The following SNX32 variants were observed in gnomAD, a reference collection of about 807,000 sequenced individuals.
The protein encoded by SNX32 is sorting nexin-32.
In SNX32, 58 loss-of-function variants were observed where a neutral mutation model predicts 57.0. The observed-to-expected ratio is 1.02, with a 90% CI of 0.82 to 1.27. The LOEUF is 1.27. SNX32 is among the 50% of genes most tolerant of loss of function. The pLI is 0.00. For synonymous variants in SNX32, 262 were observed against 220.4 expected (o/e 1.19, Z -1.67); for missense variants, 589 against 541.2 (o/e 1.09, Z -0.88).
chr11:65,845,663 G>A (rs899442385), intron 1 of SNX32, among the ~76,000 whole-genome samples: 10 of 152,072 alleles, frequency 6.6e-5, no homozygotes, highest in African/African-American at 2.4e-4. Context: ...GCTTGAACCA[G>A]GAGGCAGAGG....
Position 65,839,223 on chromosome 11 carries a change from G to GTTTTTTTTTTTTTTTTTTTTTTT in SNX32, c.36+5123_36+5124insTTTTTTTTTTTTTTTTTTTTTTT, listed in dbSNP as rs755185237. On this transcript the variant is annotated intron_variant, in intron 1 of 12. Coordinates refer to ENST00000308342, the MANE Select transcript of SNX32 (RefSeq NM_152760.3). ...CCCACCACGCCCAGCTAATTTTTTT[G>GTTTTTTTTTTTTTTTTTTTTTTT]TATTTTTTTTTTTTTTTTTTTTTTG... is the stretch of plus-strand genomic sequence containing the variant. Among the ~76,000 whole-genome samples, 151 of 23,008 alleles carry GTTTTTTTTTTTTTTTTTTTTTTT rather than the reference G, an allele frequency of 6.6e-3. 41 individuals carry two copies. Among genetic ancestry groups the GTTTTTTTTTTTTTTTTTTTTTTT allele is most frequent in the Middle Eastern group, 0.025 (1 of 40 alleles). 15.1% of individuals were successfully genotyped at this position (23,008 alleles called of 152,430 possible).
At position 65,849,495 on chromosome 11, in the gene SNX32, G is replaced by T; in HGVS notation, c.54G>T (p.Val18=). 6.2e-7 allele frequency: 1 copy of T among 1,612,664 alleles called. No homozygotes were observed. Among genetic ancestry groups the T allele is most frequent in the Non-Finnish European group, 8.5e-7 (1 of 1,179,046 alleles). ...GKEGKPSCAS[V]DLQGDSSLQV... ...CTCCGCAGCCTTCCTGTGCATCGGT[G>T]GATCTGCAGGGAGACAGCTCCTTAC... is the stretch of plus-strand genomic sequence containing the variant. Residue 18 remains valine (V), a synonymous_variant, in exon 2 of 13, where the codon GTG becomes GTT. Transcript: ENST00000308342.
chr11:65,837,836 A>AC (rs1290328274), intron 1 of SNX32, among the ~76,000 whole-genome samples: 1 of 150,824 alleles, frequency 6.6e-6, no homozygotes, highest in Non-Finnish European at 1.5e-5. Flanking sequence ...AAAAAAAAAA[A>AC]ACGAAGAAGA....
intron 1 of SNX32, 47 bp from the exon 2 acceptor site, chr11:65,849,431 C>G: frequency 6.8e-7 from 1 of 1,472,902 alleles, no homozygotes; most frequent in Non-Finnish European, 9.3e-7. Flanking sequence ...CAAGGAAGGG[C>G]AAAGGGGCCA....
intron 2 of SNX32, 125 bp from the exon 3 acceptor site, chr11:65,849,795 C>A: frequency 1.2e-6 from 1 of 806,264 alleles, no homozygotes; most frequent in Non-Finnish European, 2.0e-6. Context: ...AAATCATGCA[C>A]ACCTGAGCTC....
rs753908484 is a variant in SNX32 at position 65,850,092 on chromosome 11, G to A, written c.253-58G>A. The A allele has an allele frequency of 1.6e-4, 265 of 1,614,202 alleles. 1 individual carries two copies. The highest frequency in any genetic ancestry group is 2.2e-4 in the Non-Finnish European group (256 of 1,180,020). On this transcript the variant is annotated intron_variant, in intron 3 of 12. Transcript: ENST00000308342. ...CAGAGCACTTGGGTGAGGACCAAAG[G>A]CTGTGATGGCCGTCTCGGCAGTGAG...
intron 1 of SNX32, among the ~76,000 whole-genome samples, chr11:65,843,880 A>G (rs1472489912): frequency 1.3e-5 from 2 of 152,240 alleles, no homozygotes; most frequent in Non-Finnish European, 2.9e-5. Flanking sequence ...CTGATCTTTC[A>G]AAGAGGTGGC....
intron 1 of SNX32, among the ~76,000 whole-genome samples, chr11:65,840,001 C>G (rs1191883755): frequency 1.3e-5 from 2 of 151,596 alleles, no homozygotes; most frequent in East Asian, 3.9e-4. Flanking sequence ...ACTAAAAATA[C>G]AAAATTAGCC....
Position 65,834,993 on chromosome 11 carries a change from CTGTG to C in SNX32, c.36+900_36+903del, listed in dbSNP as rs377528018. ...GATCTGTGTATGTCGTTGTGTGTGTCTGTGTGTGTGTTTCTCTGTGCCTGTGTGT... is the reference window on the plus strand; with the variant it reads ...GATCTGTGTATGTCGTTGTGTGTGTCTGTGTGTTTCTCTGTGCCTGTGTGT... On this transcript the variant is annotated intron_variant, in intron 1 of 12. Coordinates refer to ENST00000308342, the MANE Select transcript of SNX32 (RefSeq NM_152760.3). 3.2e-3 allele frequency among the ~76,000 whole-genome samples: 471 copies of C among 148,190 alleles called. 3 individuals carry two copies. The highest frequency in any genetic ancestry group is 5.7e-3 in the Admixed American group (84 of 14,862).
At chr11:65,840,687 C>T (rs1376871914) in intron 1 of SNX32, among the ~76,000 whole-genome samples, 1 of 151,834 alleles carries the variant, frequency 6.6e-6, no homozygotes, top group Non-Finnish European at 1.5e-5. Flanking sequence ...GCCTGTAGTC[C>T]CAGCTACTCA....
chr11:65,852,338 A>C, intron 9 of SNX32, 127 bp from the exon 10 acceptor site: 1 of 833,136 alleles, frequency 1.2e-6, no homozygotes, highest in Non-Finnish European at 2.0e-6. Context: ...GCACCCCTCA[A>C]CACCAGACCT....
intron 6 of SNX32, 32 bp from the exon 7 acceptor site, chr11:65,851,023 A>G (rs1859169435): frequency 1.9e-6 from 3 of 1,583,966 alleles, no homozygotes; most frequent in Non-Finnish European, 2.6e-6. Context: ...GTGGTGACCC[A>G]GTGTAAATGG....
Position 65,851,534 on chromosome 11 carries a change from T to C in SNX32, c.786-106T>C. ...TAGGCTCTCCTGTTGGGGGATGGTG[T>C]TGGGAAGGAAAGGGGAGAGGGAGAT... On this transcript the variant is annotated intron_variant, in intron 8 of 12. Transcript: ENST00000308342. 3.3e-6 allele frequency: 5 copies of C among 1,531,164 alleles called. No individual in the cohort carries two copies. The African/African-American group carries it at 5.5e-5, about 17-fold the overall frequency. The allele number at this position is 1,531,164 out of a possible 1,614,324, so 94.8% of individuals were successfully genotyped here. A position where few individuals can be genotyped will look rare whatever the true frequency, so the allele number is the denominator to read the frequency against.
Position 65,834,061 on chromosome 11 carries a change from G to A in SNX32, c.-5G>A. On this transcript the variant is annotated 5_prime_UTR_variant, in exon 1 of 13. Coordinates refer to ENST00000308342, the MANE Select transcript of SNX32 (RefSeq NM_152760.3). The stretch of plus-strand genomic sequence containing the variant: ...AGTGGCCGGACGCTGAAGCCCAGGA[G>A]AGCGATGGAGACGTATGCGGAGGTT... 1.3e-6 allele frequency: 2 copies of A among 1,551,146 alleles called. No homozygotes were observed. The highest frequency in any genetic ancestry group is 1.7e-6 in the Non-Finnish European group (2 of 1,146,710).
rs547164833 is a variant in SNX32, at chr11:65,851,226, G to T, written c.709+66G>T. ...TCCCCAGCGGTTCAACTCCTTGGGG[G>T]AGAGAAGAGAGCAGGGCGTGCCTTG... On this transcript the variant is annotated intron_variant, in intron 7 of 12. Coordinates refer to ENST00000308342, the MANE Select transcript of SNX32 (RefSeq NM_152760.3). The T allele has an allele frequency of 3.3e-5, 53 of 1,598,018 alleles. No homozygotes were observed. In the Middle Eastern group the frequency reaches 1.2e-3, roughly 35 times the overall value.
At chr11:65,834,187 G>A in intron 1 of SNX32, 86 bp downstream of exon 1, 1 of 413,760 alleles carries the variant, frequency 2.4e-6, no homozygotes, top group Admixed American at 4.2e-5. Flanking sequence ...GTGTGTGTGT[G>A]TCTGTGTGTG....
chr11:65,842,329 C>T (rs1028490079), intron 1 of SNX32, among the ~76,000 whole-genome samples: 3 of 152,080 alleles, frequency 2.0e-5, no homozygotes, highest in African/African-American at 7.2e-5. Flanking sequence ...GAATCATAAC[C>T]CATACCTCAC....
Position 65,853,372 on chromosome 11 carries a change from T to G in SNX32, c.*37T>G. On this transcript the variant is annotated 3_prime_UTR_variant, in exon 13 of 13. Coordinates refer to ENST00000308342, the MANE Select transcript of SNX32 (RefSeq NM_152760.3). ...CTCAGCCAGACCCTAATCTGGGATC[T>G]CCAGTGACCAGGGTATCCCAGACCC... 2 of 1,602,928 alleles carry G rather than the reference T, an allele frequency of 1.2e-6. No individual in the cohort carries two copies. The highest frequency in any genetic ancestry group is 1.7e-6 in the Non-Finnish European group (2 of 1,170,018).
At chr11:65,841,340 G>A (rs371459381) in intron 1 of SNX32, among the ~76,000 whole-genome samples, 3 of 151,314 alleles carry the variant, frequency 2.0e-5, no homozygotes, top group East Asian at 1.9e-4. Context: ...GGGCTCAAGC[G>A]ATCCTCCTGC....
Sources: allele counts gnomAD v4.1 joint callset (sites outside exome capture counted in the v4.1 genomes callset), GRCh38; gene constraint gnomAD v4.1.1; transcripts MANE v1.5; gene names NCBI Gene and HGNC (gene_info 2026-07-23, HGNC 2026-07-21).